SPATA31F1: variants seen among roughly 807,000 people sequenced by gnomAD.
SPATA31F1 encodes the protein protein SPATA31F1.
the SPATA31F1 span, among the ~76,000 whole-genome samples, chr9:34,727,179 T>G: frequency 6.6e-6 from 1 of 152,186 alleles, no homozygotes; most frequent in Non-Finnish European, 1.5e-5. Flanking sequence ...GGGCTGATGG[T>G]CTGGAGCTTG....
At chr9:34,725,199 C>T in the SPATA31F1 span, 40,553 of 1,441,978 alleles carry the variant, frequency 0.028, 503 homozygotes, top group African/African-American at 0.2. Context: ...CATTTGGAGT[C>T]GATGTGGCTC....
At chr9:34,725,938 A>G in the SPATA31F1 span, 1 of 1,550,736 alleles carries the variant, frequency 6.4e-7, no homozygotes, top group Middle Eastern at 1.7e-4. Flanking sequence ...AAGGGAGCCC[A>G]CAGAATAGCT....
At chr9:34,724,062 G>A in the SPATA31F1 span, 523,982 of 1,166,718 alleles carry the variant, frequency 0.45, 170,687 homozygotes, top group East Asian at 0.63. Context: ...CCTTCTCTGT[G>A]GTCCCTGGCT....
At chr9:34,728,066 C>T in the SPATA31F1 span, 1 of 1,551,930 alleles carries the variant, frequency 6.4e-7, no homozygotes, top group African/African-American at 1.4e-5. Context: ...CAGCTTCTTC[C>T]CGGGAACGTC....
the SPATA31F1 span, chr9:34,728,616 T>A: frequency 6.4e-7 from 1 of 1,550,720 alleles, no homozygotes. Context: ...TACCTGTTGA[T>A]GCTGCATCTC....
At chr9:34,727,562 T>G in the SPATA31F1 span, among the ~76,000 whole-genome samples, 1 of 152,314 alleles carries the variant, frequency 6.6e-6, no homozygotes, top group Admixed American at 6.5e-5. Flanking sequence ...TCCCAAGTAC[T>G]GGCCTCACTG....
chr9:34,723,935 C>T, the SPATA31F1 span: 1 of 1,551,420 alleles, frequency 6.4e-7, no homozygotes, highest in East Asian at 2.4e-5. Context: ...AAGATGAAAG[C>T]TACGGCTCCA....
the SPATA31F1 span, chr9:34,723,611 C>A: frequency 6.4e-7 from 1 of 1,551,750 alleles, no homozygotes; most frequent in African/African-American, 1.4e-5. Flanking sequence ...ATTTCTGAAG[C>A]TAGACTCTGT....
the SPATA31F1 span, chr9:34,723,677 C>T: frequency 2.7e-5 from 42 of 1,551,450 alleles, no homozygotes; most frequent in Non-Finnish European, 3.7e-5. Context: ...CAAAACTTGG[C>T]CTTGCAAAGT....
the SPATA31F1 span, among the ~76,000 whole-genome samples, chr9:34,728,442 T>C: frequency 1.3e-5 from 2 of 152,212 alleles, no homozygotes; most frequent in Non-Finnish European, 2.9e-5. Flanking sequence ...TACAGGATTT[T>C]GGAACATTCT....
chr9:34,724,230 C>T, the SPATA31F1 span: 1 of 1,551,520 alleles, frequency 6.4e-7, no homozygotes, highest in Non-Finnish European at 8.7e-7. Context: ...ATGTGGGCCT[C>T]TGTCATGTCC....
chr9:34,726,685 A>T, the SPATA31F1 span: 2 of 1,551,612 alleles, frequency 1.3e-6, no homozygotes, highest in Admixed American at 3.9e-5. Flanking sequence ...TTGACTGGGC[A>T]GCTGACTGGG....
the SPATA31F1 span, chr9:34,726,694 G>A: frequency 3.0e-5 from 46 of 1,551,504 alleles, no homozygotes; most frequent in Non-Finnish European, 3.8e-5. Flanking sequence ...CAGCTGACTG[G>A]GTTAAAGATT....
At chr9:34,727,077 A>C in the SPATA31F1 span, 1 of 1,472,518 alleles carries the variant, frequency 6.8e-7, no homozygotes, top group East Asian at 2.5e-5. Flanking sequence ...CTCCTTTCCC[A>C]GTCCTGAAAA....
At chr9:34,727,090 C>G in the SPATA31F1 span, 3 of 1,462,208 alleles carry the variant, frequency 2.1e-6, no homozygotes, top group East Asian at 5.0e-5. Flanking sequence ...CCTGAAAACC[C>G]TGGGGCCTAT....
At chr9:34,723,452 C>T in the SPATA31F1 span, 1 of 1,551,810 alleles carries the variant, frequency 6.4e-7, no homozygotes, top group Non-Finnish European at 8.7e-7. Context: ...CGTCTTACTT[C>T]TCCCCACAGG....
chr9:34,723,820 G>A, the SPATA31F1 span: 3 of 1,551,714 alleles, frequency 1.9e-6, no homozygotes, highest in Admixed American at 2.0e-5. Flanking sequence ...TGGTTTGACT[G>A]TCTTGCAGGT....
At chr9:34,724,707 T>G in the SPATA31F1 span, 3 of 1,550,838 alleles carry the variant, frequency 1.9e-6, no homozygotes, top group East Asian at 7.3e-5. Context: ...CTCTCATTGT[T>G]GCCTTGAGGG....
the SPATA31F1 span, among the ~76,000 whole-genome samples, chr9:34,727,464 T>C: frequency 1.3e-5 from 2 of 152,212 alleles, no homozygotes; most frequent in African/African-American, 4.8e-5. Context: ...GTACCCGTAA[T>C]GTTATACCCA....
Sources: allele counts gnomAD v4.1 joint callset (sites outside exome capture counted in the v4.1 genomes callset), GRCh38; gene constraint gnomAD v4.1.1; transcripts MANE v1.5; gene names NCBI Gene and HGNC (gene_info 2026-07-23, HGNC 2026-07-21).